The following ELAPOR2 variants were observed in gnomAD, a reference collection of about 807,000 sequenced individuals.
The protein encoded by ELAPOR2 is endosome-lysosome associated apoptosis and autophagy regulator family member 2.
In ELAPOR2, 89 loss-of-function variants were observed where a neutral mutation model predicts 120.7. The observed-to-expected ratio is 0.74, with a 90% confidence interval of 0.62 to 0.88. The LOEUF is 0.88. Among genes scored for constraint, ELAPOR2 ranks in the 40% least tolerant of loss-of-function variants. The pLI is 0.00. For synonymous variants in ELAPOR2, 444 were observed against 444.9 expected (o/e 1.00, Z 0.03); for missense variants, 1,134 against 1,251.6 (o/e 0.91, Z 1.42).
rs147542740 is a variant in ELAPOR2, at chr7:86,985,583, C to T, written c.190-20559G>A. ...TCCATCACATAAACAGAACCATCGA[C>T]AAAAACCAAATGATTATCTCAATAG... On this transcript the variant is annotated intron_variant, in intron 1 of 21. Transcript: ENST00000450689. 2.7e-3 allele frequency among the ~76,000 whole-genome samples: 409 copies of T among 152,252 alleles called. 4 individuals are homozygous for T. The highest frequency in any genetic ancestry group is 0.024 in the Middle Eastern group (7 of 294).
Position 86,920,678 on chromosome 7 carries a change from A to G in ELAPOR2, c.1400-1368T>C, listed in dbSNP as rs112835298. On this transcript the variant is annotated intron_variant, in intron 10 of 21. Coordinates refer to ENST00000450689, the MANE Select transcript of ELAPOR2 (RefSeq NM_001142749.3). ...AATATCACTTGTTGAGAGATCCCCAATGTCCTCCACTTTTTCCTCTGTCCT... is the reference window on the plus strand; with the variant it reads ...AATATCACTTGTTGAGAGATCCCCAGTGTCCTCCACTTTTTCCTCTGTCCT... 1.1e-4 allele frequency: 17 copies of G among 152,200 alleles called. 1 individual carries two copies. Among genetic ancestry groups the G allele is most frequent in the African/African-American group, 3.9e-4 (16 of 41,532 alleles). The allele number at this position is 152,200 out of a possible 1,614,324, so 9.4% of individuals were successfully genotyped here. A position where few individuals can be genotyped will look rare whatever the true frequency, so the allele number is the denominator to read the frequency against.
intron 1 of ELAPOR2, among the ~76,000 whole-genome samples, chr7:87,054,966 T>C (rs1795217189): frequency 1.3e-5 from 2 of 152,186 alleles, no homozygotes; most frequent in African/African-American, 4.8e-5. Context: ...TTGCTACATG[T>C]CTCCTTTGTG....
At chr7:86,926,714 A>T (rs1359291267) in intron 9 of ELAPOR2, 22 bp downstream of exon 9, 1 of 1,588,068 alleles carries the variant, frequency 6.3e-7, no homozygotes, top group East Asian at 2.3e-5. Flanking sequence ...AGGCCCAGTT[A>T]TTGGACCAAT....
At chr7:87,045,015 C>T (rs1267159064) in intron 1 of ELAPOR2, among the ~76,000 whole-genome samples, 14 of 142,146 alleles carry the variant, frequency 9.8e-5, no homozygotes, top group Non-Finnish European at 1.5e-4. Context: ...AAATGCTCAC[C>T]ATCACTGGCC....
intron 1 of ELAPOR2, among the ~76,000 whole-genome samples, chr7:87,015,002 GA>G (rs911911470): frequency 2.7e-5 from 4 of 148,058 alleles, no homozygotes; most frequent in Non-Finnish European, 4.5e-5. Context: ...AAAGCTGGTA[GA>G]AAAAAAAAGA....
intron 1 of ELAPOR2, among the ~76,000 whole-genome samples, chr7:87,038,119 ACT>A (rs2129014639): frequency 6.6e-6 from 1 of 152,194 alleles, no homozygotes; most frequent in East Asian, 1.9e-4. Flanking sequence ...TCTAAAACAC[ACT>A]CTTAGAACCA....
intron 9 of ELAPOR2, 86 bp from the exon 10 acceptor site, chr7:86,925,742 C>A (rs139916846): frequency 8.3e-6 from 10 of 1,200,376 alleles, no homozygotes; most frequent in Non-Finnish European, 1.2e-5. Context: ...CACTACATTA[C>A]AATTAGCAGG....
At chr7:86,904,581 T>C (rs934904822) in intron 18 of ELAPOR2, among the ~76,000 whole-genome samples, 2 of 152,218 alleles carry the variant, frequency 1.3e-5, no homozygotes, top group Non-Finnish European at 2.9e-5. Flanking sequence ...AGACACTTTA[T>C]GGAACTAGAA....
intron 10 of ELAPOR2, among the ~76,000 whole-genome samples, chr7:86,925,184 G>C (rs1321339717): frequency 6.6e-6 from 1 of 151,866 alleles, no homozygotes; most frequent in Non-Finnish European, 1.5e-5. Flanking sequence ...AATCAAGACA[G>C]AAATCCCATC....
At chr7:86,908,694 C>G (rs1248469484) in intron 16 of ELAPOR2, 151 bp from the exon 17 acceptor site, 1 of 444,830 alleles carries the variant, frequency 2.2e-6, no homozygotes, top group Admixed American at 4.4e-5. Flanking sequence ...ATGGTAAAAA[C>G]AAGAAATTTT....
intron 21 of ELAPOR2, among the ~76,000 whole-genome samples, chr7:86,881,396 G>C (rs10257473): frequency 0.21 from 30,615 of 146,982 alleles, 4,912 homozygotes; most frequent in African/African-American, 0.46. Context: ...CGCTCTTGTT[G>C]CCCAGGCTGG....
At chr7:86,935,612 T>C (rs149274437) in intron 8 of ELAPOR2, among the ~76,000 whole-genome samples, 1,710 of 152,096 alleles carry the variant, frequency 0.011, 30 homozygotes, top group African/African-American at 0.04. Context: ...CCTGGAAATG[T>C]AAATTTTCAG....
intron 1 of ELAPOR2, among the ~76,000 whole-genome samples, chr7:87,045,738 C>A (rs1794933276): frequency 6.6e-6 from 1 of 151,130 alleles, no homozygotes; most frequent in South Asian, 2.1e-4. Flanking sequence ...TGCACATGTA[C>A]CCTAAAACTT....
intron 15 of ELAPOR2, 71 bp downstream of exon 15, chr7:86,912,001 T>C: frequency 1.8e-5 from 26 of 1,448,896 alleles, no homozygotes; most frequent in Non-Finnish European, 2.5e-5. Flanking sequence ...TATTGGTCCA[T>C]TAACACAGAA....
chr7:86,999,996 A>G (rs567902509), intron 1 of ELAPOR2, among the ~76,000 whole-genome samples: 1 of 152,240 alleles, frequency 6.6e-6, no homozygotes, highest in South Asian at 2.1e-4. Flanking sequence ...AATTTAACTG[A>G]AAAACACCTC....
intron 1 of ELAPOR2, among the ~76,000 whole-genome samples, chr7:86,989,577 A>G (rs1562958178): frequency 6.6e-6 from 1 of 152,220 alleles, no homozygotes; most frequent in Non-Finnish European, 1.5e-5. Flanking sequence ...AGTGGCTGAA[A>G]TGAAACTTTC....
chr7:86,925,435 T>C (rs760094154), intron 10 of ELAPOR2, 93 bp downstream of exon 10: 21 of 1,318,864 alleles, frequency 1.6e-5, no homozygotes, highest in Non-Finnish European at 2.2e-5. Flanking sequence ...AAGTTCCTCA[T>C]ACCCATACTT....
At chr7:86,983,065 T>C (rs1159654469) in intron 1 of ELAPOR2, among the ~76,000 whole-genome samples, 1 of 152,058 alleles carries the variant, frequency 6.6e-6, no homozygotes, top group African/African-American at 2.4e-5. Context: ...GCCAATTCGA[T>C]CAAGTGGAAG....
chr7:86,985,000 GA>G (rs1190527125), intron 1 of ELAPOR2, among the ~76,000 whole-genome samples: 2 of 151,970 alleles, frequency 1.3e-5, no homozygotes, highest in East Asian at 3.8e-4. Context: ...TGATAAAGGG[GA>G]TATCACCACC....
Sources: gnomAD v4.1 joint callset for allele counts (sites outside exome capture counted in the v4.1 genomes callset) on GRCh38, gnomAD v4.1.1 for gene constraint, MANE v1.5 for transcripts, NCBI Gene and HGNC (gene_info 2026-07-23, HGNC 2026-07-21) for gene names.